Variants in KIAA1217 observed in about 807,000 individuals in gnomAD.
The protein encoded by KIAA1217 is KIAA1217.
In KIAA1217, 88 loss-of-function variants were observed where a neutral mutation model predicts 163.9. That is an observed-to-expected ratio of 0.54 (90% CI 0.45 to 0.64). The LOEUF is 0.64. Ranked by LOEUF, KIAA1217 falls within the 30% of genes least tolerant of loss-of-function variation. KIAA1217 has a pLI of 0.00. For synonymous variants in KIAA1217, 903 were observed against 923.1 expected, an observed-to-expected ratio of 0.98 and a Z score of 0.39; for missense variants, 2,372 against 2,475.0, an observed-to-expected ratio of 0.96 and a Z score of 0.88.
At chr10:23,947,995 C>CACACA (rs1844135954) in intron 1 of KIAA1217, among the ~76,000 whole-genome samples, 2 of 152,224 alleles carry the variant, frequency 1.3e-5, no homozygotes, top group Non-Finnish European at 2.9e-5. Context: ...AGAAACGTGT[C>CACACA]TTCCACCTAA....
intron 2 of KIAA1217, among the ~76,000 whole-genome samples, chr10:24,264,426 A>G (rs938400865): frequency 6.6e-6 from 1 of 152,164 alleles, no homozygotes; most frequent in Non-Finnish European, 1.5e-5. Context: ...GCAGACAGAC[A>G]CAGATTTTCT....
At chr10:24,047,659 T>C (rs1037595943) in intron 2 of KIAA1217, among the ~76,000 whole-genome samples, 1 of 152,250 alleles carries the variant, frequency 6.6e-6, no homozygotes, top group Non-Finnish European at 1.5e-5. Context: ...TTATTCTTTA[T>C]GTTTAAGGAG....
chr10:24,005,012 C>T (rs1846929485), intron 1 of KIAA1217, among the ~76,000 whole-genome samples: 1 of 152,118 alleles, frequency 6.6e-6, no homozygotes, highest in Admixed American at 6.5e-5. Context: ...CTTTCTGTCC[C>T]AAAGAGTAAA....
intron 2 of KIAA1217, among the ~76,000 whole-genome samples, chr10:24,322,539 C>T (rs1386696800): frequency 1.3e-5 from 2 of 152,156 alleles, no homozygotes; most frequent in African/African-American, 4.8e-5. Context: ...GATAGAAATA[C>T]CAGACACTGT....
At chr10:24,094,257 A>T (rs2062058899) in intron 2 of KIAA1217, among the ~76,000 whole-genome samples, 1 of 152,200 alleles carries the variant, frequency 6.6e-6, no homozygotes, top group African/African-American at 2.4e-5. Context: ...ACTAGTTTAC[A>T]GTCCCACCAA....
At chr10:24,180,276 C>A (rs2066108553) in intron 2 of KIAA1217, among the ~76,000 whole-genome samples, 1 of 139,240 alleles carries the variant, frequency 7.2e-6, no homozygotes, top group Admixed American at 7.7e-5. Flanking sequence ...AACTCCTCAA[C>A]CTTCTTTTTT....
intron 3 of KIAA1217, among the ~76,000 whole-genome samples, chr10:24,431,247 C>T (rs183716771): frequency 6.6e-6 from 1 of 152,316 alleles, no homozygotes; most frequent in East Asian, 1.9e-4. Context: ...TTTTGAGTCT[C>T]CCTTTCCAAA....
At position 24,340,665 on chromosome 10, in the gene KIAA1217, G is replaced by C. The variant is rs765452252; in HGVS notation, c.355-40204G>C. 3.3e-5 allele frequency among the ~76,000 whole-genome samples: 5 copies of C among 152,044 alleles called. No individual in the cohort carries two copies. In the South Asian group the frequency reaches 1.0e-3, roughly 32 times the overall value. The stretch of plus-strand genomic sequence containing the variant: ...CATCACAGGACTAAAGCCAGACAAG[G>C]CTCCGCTGGCACAAGCAGAGCAATT... On this transcript the variant is annotated intron_variant, in intron 2 of 20. Transcript: ENST00000376454.
Position 23,893,684 on chromosome 10 carries a change from C to CA in KIAA1217, c.-320-113535dup, listed in dbSNP as rs577234132. ...TTGAAAAGACAGGCAGAGACGCAACCAAAAAAGAGAATTTTAGACCAATAT... is the reference window on the plus strand; with the variant it reads ...TTGAAAAGACAGGCAGAGACGCAACCAAAAAAAGAGAATTTTAGACCAATAT... On this transcript the variant is annotated intron_variant, in intron 1 of 18. Transcript: ENST00000376462. Among the ~76,000 whole-genome samples the CA allele has an allele frequency of 4.1e-3, 617 of 151,634 alleles. 4 individuals carry two copies. The highest frequency in any genetic ancestry group is 0.015 in the African/African-American group (606 of 41,416).
intron 2 of KIAA1217, among the ~76,000 whole-genome samples, chr10:24,351,104 C>T (rs1040680444): frequency 1.1e-4 from 17 of 152,036 alleles, no homozygotes; most frequent in African/African-American, 2.9e-4. Flanking sequence ...TGCGACCATA[C>T]GCAGAGCTAA....
intron 2 of KIAA1217, among the ~76,000 whole-genome samples, chr10:24,346,877 T>G (rs1179267473): frequency 6.6e-6 from 1 of 152,186 alleles, no homozygotes; most frequent in African/African-American, 2.4e-5. Flanking sequence ...AGCCAGGTTT[T>G]GTTGGCTTTT....
chr10:23,982,860 G>A (rs944775629), intron 1 of KIAA1217, among the ~76,000 whole-genome samples: 6 of 151,928 alleles, frequency 3.9e-5, no homozygotes, highest in African/African-American at 9.7e-5. Context: ...CACAGCACCC[G>A]GCCTCTGTTT....
At chr10:24,362,457 T>C (rs1308990252) in intron 2 of KIAA1217, among the ~76,000 whole-genome samples, 1 of 152,192 alleles carries the variant, frequency 6.6e-6, no homozygotes, top group Non-Finnish European at 1.5e-5. Flanking sequence ...CTTCCACAGA[T>C]TTAGAAACAT....
intron 1 of KIAA1217, among the ~76,000 whole-genome samples, chr10:23,769,795 G>A (rs1424365273): frequency 6.6e-6 from 1 of 152,182 alleles, no homozygotes; most frequent in African/African-American, 2.4e-5. Context: ...GACAGAAAAT[G>A]TGTTTTATCA....
intron 5 of KIAA1217, among the ~76,000 whole-genome samples, chr10:24,462,641 A>T (rs2062530343): frequency 6.6e-6 from 1 of 152,190 alleles, no homozygotes; most frequent in African/African-American, 2.4e-5. Context: ...TATGTCTTTC[A>T]CTGAGTTCTG....
At chr10:23,835,404 A>G (rs1838397016) in intron 1 of KIAA1217, among the ~76,000 whole-genome samples, 1 of 152,102 alleles carries the variant, frequency 6.6e-6, no homozygotes, top group African/African-American at 2.4e-5. Flanking sequence ...AACCCTCCTC[A>G]ATCTTTGAGG....
At chr10:24,108,349 G>C (rs2062710712) in intron 2 of KIAA1217, among the ~76,000 whole-genome samples, 1 of 152,246 alleles carries the variant, frequency 6.6e-6, no homozygotes, top group East Asian at 1.9e-4. Flanking sequence ...ATGATTGGGG[G>C]TTTCTTAAGA....
At chr10:24,228,137 T>A (rs2070848284) in intron 2 of KIAA1217, among the ~76,000 whole-genome samples, 1 of 151,958 alleles carries the variant, frequency 6.6e-6, no homozygotes, top group African/African-American at 2.4e-5. Flanking sequence ...TAGATGGGCA[T>A]GATGACTCGT....
chr10:23,778,183 C>T (rs1029461519), intron 1 of KIAA1217, among the ~76,000 whole-genome samples: 1 of 152,104 alleles, frequency 6.6e-6, no homozygotes, highest in Non-Finnish European at 1.5e-5. Flanking sequence ...TCGTGATTCC[C>T]CCCCCTTCGG....
Sources: allele counts gnomAD v4.1 joint callset (sites outside exome capture counted in the v4.1 genomes callset), GRCh38; gene constraint gnomAD v4.1.1; transcripts MANE v1.5; gene names NCBI Gene and HGNC (gene_info 2026-07-23, HGNC 2026-07-21).